The following ARHGEF26 variants were observed in gnomAD, a reference collection of about 807,000 sequenced individuals.
ARHGEF26 encodes Rho guanine nucleotide exchange factor 26, also known as Rho guanine nucleotide exchange factor (GEF) 26.
Under a neutral mutation model 89.4 loss-of-function variants are expected in ARHGEF26, and 59 were observed. The observed-to-expected ratio is 0.66, with a 90% CI of 0.54 to 0.82. ARHGEF26 has a LOEUF of 0.82. ARHGEF26 is among the 40% of genes least tolerant of loss of function. The pLI is 0.00. For synonymous variants in ARHGEF26, 500 were observed against 428.4 expected (o/e 1.17, Z -2.06); for missense variants, 1,234 against 1,085.6 (o/e 1.14, Z -1.92).
At chr3:154,130,380 A>G (rs1718614799) in intron 4 of ARHGEF26, among the ~76,000 whole-genome samples, 1 of 152,070 alleles carries the variant, frequency 6.6e-6, no homozygotes, top group South Asian at 2.1e-4. Context: ...CCCTCTAGTG[A>G]TCCGCCTGCC....
At chr3:154,215,772 C>G (rs1397611515) in intron 9 of ARHGEF26, among the ~76,000 whole-genome samples, 1 of 152,116 alleles carries the variant, frequency 6.6e-6, no homozygotes, top group Non-Finnish European at 1.5e-5. Flanking sequence ...TATAAGGGCA[C>G]TAATCCCATT....
Position 154,253,277 on chromosome 3 carries a change from ACTT to A in ARHGEF26, c.2368+95_2368+97del, listed in dbSNP as rs572548845. On this transcript the variant is annotated intron_variant, in intron 13 of 14. Transcript: ENST00000465093. The stretch of plus-strand genomic sequence containing the variant: ...TACTAACGAGTTATATTGCCACAAT[ACTT>A]GCCTAAGTTTCCTCCAGGGCTTCCT... 1,169 of 1,433,594 alleles carry A rather than the reference ACTT, an allele frequency of 8.2e-4. 1 individual carries two copies. Among genetic ancestry groups the A allele is most frequent in the Non-Finnish European group, 1.0e-3 (1,074 of 1,033,774 alleles). 88.8% of individuals were successfully genotyped at this position (1,433,594 alleles called of 1,614,324 possible). A position where few individuals can be genotyped will look rare whatever the true frequency, so the allele number is the denominator to read the frequency against.
intron 10 of ARHGEF26, among the ~76,000 whole-genome samples, chr3:154,223,713 A>G (rs114446424): frequency 2.3e-3 from 351 of 152,294 alleles, no homozygotes; most frequent in African/African-American, 8.2e-3. Context: ...ATGACTGCTC[A>G]ATGCATATGG....
intron 6 of ARHGEF26, among the ~76,000 whole-genome samples, chr3:154,161,100 T>TGTGTGTGTG: frequency 5.7e-5 from 1 of 17,630 alleles, no homozygotes; most frequent in Non-Finnish European, 1.7e-4. Flanking sequence ...GTAGCCAGGT[T>TGTGTGTGTG]TGTGTGTGTG....
At chr3:154,184,243 A>C (rs1438703605) in intron 6 of ARHGEF26, among the ~76,000 whole-genome samples, 2 of 152,214 alleles carry the variant, frequency 1.3e-5, no homozygotes, top group Non-Finnish European at 2.9e-5. Context: ...AAGTGCTGGG[A>C]TTACAGGCGT....
intron 4 of ARHGEF26, among the ~76,000 whole-genome samples, chr3:154,130,354 T>C (rs2108048978): frequency 2.0e-5 from 3 of 152,238 alleles, no homozygotes; most frequent in Middle Eastern, 6.8e-3. Context: ...TTGGCCAGGC[T>C]GGTCTTGAAT....
intron 6 of ARHGEF26, among the ~76,000 whole-genome samples, chr3:154,178,881 A>G (rs1045886754): frequency 6.6e-6 from 1 of 152,100 alleles, no homozygotes; most frequent in Admixed American, 6.5e-5. Context: ...TTCCAGCCCT[A>G]CACCCTGCCC....
chr3:154,166,198 A>C (rs970034292), intron 6 of ARHGEF26, among the ~76,000 whole-genome samples: 17 of 152,000 alleles, frequency 1.1e-4, no homozygotes, highest in East Asian at 3.9e-4. Context: ...CTACAGGCAC[A>C]TGCCACCATG....
chr3:154,211,847 A>G lies in ARHGEF26; in HGVS notation c.1846-6022A>G, dbSNP rs1208314798. On this transcript the variant is annotated intron_variant, in intron 9 of 14. Transcript: ENST00000465093. Reference sequence around the variant, plus strand: ...TAATGACACCTAGAAAATAATGTATATGTGTGTGTGTATATATATATGTGT... The same window carrying G: ...TAATGACACCTAGAAAATAATGTATGTGTGTGTGTGTATATATATATGTGT... Among the ~76,000 whole-genome samples the G allele has an allele frequency of 3.3e-5, 4 of 122,618 alleles. No homozygotes were observed. The East Asian group carries it at 1.0e-3, about 32-fold the overall frequency. 80.4% of individuals were successfully genotyped at this position (122,618 alleles called of 152,430 possible). A position where few individuals can be genotyped will look rare whatever the true frequency, so the allele number is the denominator to read the frequency against.
chr3:154,149,443 G>C lies in ARHGEF26; in HGVS notation c.1324G>C (p.Glu442Gln). The stretch of plus-strand genomic sequence containing the variant: ...AAGCCAGGAGGAAAGAAAGAGACAA[G>C]AGGTATGTTTCTACCGAGCAGCTGC... The part of the protein sequence containing the change: ...TVSQEERKRQ[E>Q]AIFEVISSEH... Residue 442 changes from glutamate (E) to glutamine (Q), a missense_variant and splice_region_variant, in exon 5 of 15, where the codon GAG (glutamate) becomes CAG (glutamine). Coordinates refer to ENST00000465093, the MANE Select transcript of ARHGEF26 (RefSeq NM_015595.4). 6.2e-7 allele frequency: 1 copy of C among 1,607,186 alleles called. No homozygotes were observed. Among genetic ancestry groups the C allele is most frequent in the Non-Finnish European group, 8.5e-7 (1 of 1,176,472 alleles).
chr3:154,185,370 T>A (rs935015884), intron 6 of ARHGEF26, among the ~76,000 whole-genome samples: 1 of 152,098 alleles, frequency 6.6e-6, no homozygotes, highest in Admixed American at 6.5e-5. Flanking sequence ...ACTTCTCTTC[T>A]ACTTGGCTAC....
At chr3:154,175,153 T>C (rs1404167127) in intron 6 of ARHGEF26, among the ~76,000 whole-genome samples, 2 of 152,190 alleles carry the variant, frequency 1.3e-5, no homozygotes, top group Admixed American at 6.5e-5. Flanking sequence ...TGTGATGGCA[T>C]CCCATTCATC....
intron 6 of ARHGEF26, among the ~76,000 whole-genome samples, chr3:154,158,975 G>C (rs1308481755): frequency 6.6e-6 from 1 of 152,020 alleles, no homozygotes; most frequent in Non-Finnish European, 1.5e-5. Flanking sequence ...CCTATTAAAA[G>C]ACTGATACTA....
At chr3:154,204,513 T>G (rs1423367385) in intron 9 of ARHGEF26, among the ~76,000 whole-genome samples, 1 of 151,930 alleles carries the variant, frequency 6.6e-6, no homozygotes, top group Non-Finnish European at 1.5e-5. Flanking sequence ...TACTTTTTAG[T>G]AGAGATGGGG....
intron 10 of ARHGEF26, among the ~76,000 whole-genome samples, chr3:154,221,718 TA>T (rs773631049): frequency 6.6e-6 from 1 of 152,194 alleles, no homozygotes; most frequent in Non-Finnish European, 1.5e-5. Context: ...GGTTTAGATA[TA>T]AAAAAATACA....
chr3:154,240,272 C>A, intron 11 of ARHGEF26, 98 bp from the exon 12 acceptor site: 1 of 773,978 alleles, frequency 1.3e-6, no homozygotes, highest in Non-Finnish European at 2.1e-6. Flanking sequence ...TCCTTCCTGC[C>A]CACTCCTTGC....
intron 6 of ARHGEF26, among the ~76,000 whole-genome samples, chr3:154,184,941 G>A (rs2108170553): frequency 6.6e-6 from 1 of 152,244 alleles, no homozygotes; most frequent in Admixed American, 6.5e-5. Context: ...CTGTACCTCA[G>A]CTCCACTGAA....
intron 4 of ARHGEF26, among the ~76,000 whole-genome samples, chr3:154,134,730 A>G (rs964882539): frequency 6.6e-6 from 1 of 150,482 alleles, no homozygotes; most frequent in African/African-American, 2.4e-5. Context: ...TATGGCTCTT[A>G]TTATTTTGAG....
intron 9 of ARHGEF26, 100 bp downstream of exon 9, chr3:154,194,818 C>G: frequency 7.1e-6 from 7 of 987,354 alleles, no homozygotes; most frequent in Non-Finnish European, 1.1e-5. Flanking sequence ...GGTAGAGTCT[C>G]ACAGCCATTT....
Sources: allele counts gnomAD v4.1 joint callset (sites outside exome capture counted in the v4.1 genomes callset), GRCh38; gene constraint gnomAD v4.1.1; transcripts MANE v1.5; gene names NCBI Gene and HGNC (gene_info 2026-07-23, HGNC 2026-07-21).